Variants in ZNF169 observed in about 807,000 individuals in gnomAD.
ZNF169 encodes the protein zinc finger protein 169.
In ZNF169, 11 loss-of-function variants were observed where a neutral mutation model predicts 12.0. The ratio of observed to expected loss-of-function variants is 0.92; its 90% CI spans 0.58 to 1.52. ZNF169 has a LOEUF of 1.52. ZNF169 is among the 40% of genes most tolerant of loss of function. ZNF169 has a pLI of 0.00. For synonymous variants in ZNF169, 302 were observed against 286.5 expected (o/e 1.05, Z -0.55); for missense variants, 722 against 744.0 (o/e 0.97, Z 0.34).
rs1311924833 is a variant in ZNF169, at chr9:94,301,597, A to T, written c.*227A>T. The T allele has an allele frequency of 3.7e-6, 3 of 810,106 alleles. No individual in the cohort carries two copies. In the East Asian group the frequency reaches 9.3e-5, roughly 25 times the overall value. 50.2% of individuals were successfully genotyped at this position (810,106 alleles called of 1,614,324 possible). A position where few individuals can be genotyped will look rare whatever the true frequency, so the allele number is the denominator to read the frequency against. ...ACAACGGAAATATATTTTCATATTT[A>T]TGGAGGCTGGAAGTCCCAGATGAAC... On this transcript the variant is annotated 3_prime_UTR_variant, in exon 5 of 5. Coordinates refer to ENST00000395395, the MANE Select transcript of ZNF169 (RefSeq NM_194320.4).
intron 1 of ZNF169, among the ~76,000 whole-genome samples, chr9:94,262,688 T>C (rs1436197084): frequency 6.6e-6 from 1 of 152,056 alleles, no homozygotes. Flanking sequence ...CTTGATCTCC[T>C]AACCTCGTGA....
chr9:94,291,559 T>C (rs1830838497), intron 2 of ZNF169, among the ~76,000 whole-genome samples: 1 of 152,146 alleles, frequency 6.6e-6, no homozygotes, highest in African/African-American at 2.4e-5. Flanking sequence ...TGATTGTCTA[T>C]GTAGAAAATC....
chr9:94,272,083 C>T lies in ZNF169; in HGVS notation c.-55-6675C>T, dbSNP rs1380051286. Among the ~76,000 whole-genome samples, 3 of 152,038 alleles carry T rather than the reference C, an allele frequency of 2.0e-5. 1 individual carries two copies. Among genetic ancestry groups the T allele is most frequent in the Non-Finnish European group, 4.4e-5 (3 of 68,006 alleles). ...TGATTAAAGGAATTTGTTCATTTCA[C>T]GAATTTGGGGCCTGTCGTTTTTATT... is the stretch of plus-strand genomic sequence containing the variant. On this transcript the variant is annotated intron_variant, in intron 1 of 4. Transcript: ENST00000395395.
At position 94,300,897 on chromosome 9, in the gene ZNF169, G is replaced by C. The variant is rs1564095122; in HGVS notation, c.1339G>C (p.Gly447Arg). The C allele has an allele frequency of 6.3e-7, 1 of 1,590,736 alleles. No individual in the cohort carries two copies. The highest frequency in any genetic ancestry group is 2.3e-5 in the East Asian group (1 of 43,784). ...RGFSQKVTLI[G>R]HQRTHTGEKP... is the part of the protein sequence containing the mutation. ...TTTTAGCCAGAAGGTCACCCTCATT[G>C]GACACCAGAGGACACACACAGGGGA... Residue 447 changes from glycine (G) to arginine (R), a missense_variant, in exon 5 of 5, where the codon GGA (glycine) becomes CGA (arginine). Transcript: ENST00000395395.
chr9:94,266,913 CTT>C (rs35671526), intron 1 of ZNF169, among the ~76,000 whole-genome samples: 4 of 140,052 alleles, frequency 2.9e-5, no homozygotes, highest in Non-Finnish European at 3.1e-5. Context: ...TCGTGTAGGC[CTT>C]TTTTTTTTTT....
At chr9:94,277,430 C>A (rs1830543073) in intron 1 of ZNF169, among the ~76,000 whole-genome samples, 1 of 152,048 alleles carries the variant, frequency 6.6e-6, no homozygotes, top group South Asian at 2.1e-4. Context: ...ATGGATTTTT[C>A]CCACAAGAGA....
At chr9:94,299,649 G>A in intron 4 of ZNF169, 166 bp from the exon 5 acceptor site, 1 of 1,413,472 alleles carries the variant, frequency 7.1e-7, no homozygotes, top group South Asian at 1.7e-5. Context: ...TTGGCTGATA[G>A]GACTAGTTTG....
At chr9:94,270,823 T>TA in intron 1 of ZNF169, among the ~76,000 whole-genome samples, 6 of 19,618 alleles carry the variant, frequency 3.1e-4, no homozygotes, top group Non-Finnish European at 5.0e-4. Flanking sequence ...TATATAAATA[T>TA]ATATAAAATA....
intron 1 of ZNF169, among the ~76,000 whole-genome samples, chr9:94,266,438 T>C (rs1201295457): frequency 6.6e-6 from 1 of 152,218 alleles, no homozygotes; most frequent in East Asian, 1.9e-4. Context: ...GTTCAATTTG[T>C]TCCCAGTAGC....
chr9:94,270,846 TATATAA>T (rs1228792178), intron 1 of ZNF169, among the ~76,000 whole-genome samples: 2 of 8,864 alleles, frequency 2.3e-4, no homozygotes, highest in Non-Finnish European at 4.8e-4. Context: ...TATATTATAT[TATATAA>T]ATATATATAA....
chr9:94,287,684 C>T, intron 2 of ZNF169: 1 of 1,061,862 alleles, frequency 9.4e-7, no homozygotes, highest in Non-Finnish European at 1.5e-6. Context: ...TAAAATTAAA[C>T]AATACGGTGT....
intron 2 of ZNF169, chr9:94,288,280 A>G: frequency 2.4e-6 from 2 of 823,256 alleles, no homozygotes; most frequent in East Asian, 2.6e-5. Flanking sequence ...TTCACGTGCA[A>G]GCTGATCTTC....
At chr9:94,273,066 T>A (rs1830451980) in intron 1 of ZNF169, among the ~76,000 whole-genome samples, 1 of 152,180 alleles carries the variant, frequency 6.6e-6, no homozygotes, top group African/African-American at 2.4e-5. Context: ...TCATTTTTAA[T>A]TGAGTTTTTT....
intron 1 of ZNF169, among the ~76,000 whole-genome samples, chr9:94,264,163 G>A (rs1355288419): frequency 2.0e-5 from 3 of 152,090 alleles, no homozygotes; most frequent in South Asian, 2.1e-4. Flanking sequence ...TTGAGGTGGC[G>A]TCTTGCTCTG....
chr9:94,269,612 C>T (rs1564082938), intron 1 of ZNF169, among the ~76,000 whole-genome samples: 2 of 152,130 alleles, frequency 1.3e-5, no homozygotes, highest in Admixed American at 6.6e-5. Flanking sequence ...AACTGAGGAT[C>T]GGGCTGCTAT....
chr9:94,270,389 C>G (rs1227515685), intron 1 of ZNF169, among the ~76,000 whole-genome samples: 1 of 150,932 alleles, frequency 6.6e-6, no homozygotes, highest in African/African-American at 2.4e-5. Context: ...CTTTATATTT[C>G]CTAAGTGTTG....
At position 94,290,861 on chromosome 9, in the gene ZNF169, T is replaced by C. The variant is rs531618112; in HGVS notation, c.34-1480T>C. 2.0e-5 allele frequency among the ~76,000 whole-genome samples: 3 copies of C among 152,280 alleles called. 1 individual carries two copies. The highest frequency in any genetic ancestry group is 2.0e-4 in the Admixed American group (3 of 15,302). On this transcript the variant is annotated intron_variant, in intron 2 of 4. Coordinates refer to ENST00000395395, the MANE Select transcript of ZNF169 (RefSeq NM_194320.4). ...CTGCCAAACTGTTTTTCATAGAAACTGTATTGTTTTACATTCCCATCGGCA... is the reference window on the plus strand; with the variant it reads ...CTGCCAAACTGTTTTTCATAGAAACCGTATTGTTTTACATTCCCATCGGCA...
intron 1 of ZNF169, 129 bp downstream of exon 1, chr9:94,259,474 G>GT (rs1361390027): frequency 6.5e-6 from 1 of 152,676 alleles, no homozygotes; most frequent in African/African-American, 2.4e-5. Context: ...GTTCCTTGGT[G>GT]TTTTGAGTTT....
intron 2 of ZNF169, among the ~76,000 whole-genome samples, chr9:94,290,089 T>G (rs1229628331): frequency 6.6e-6 from 1 of 152,216 alleles, no homozygotes; most frequent in Admixed American, 6.5e-5. Context: ...AGTCATGTAA[T>G]GTTGGTCATA....
Sources: gnomAD v4.1 joint callset for allele counts (sites outside exome capture counted in the v4.1 genomes callset) on GRCh38, gnomAD v4.1.1 for gene constraint, MANE v1.5 for transcripts, NCBI Gene and HGNC (gene_info 2026-07-23, HGNC 2026-07-21) for gene names.